The following EYS variants were observed in gnomAD, a reference collection of about 807,000 sequenced individuals.
EYS encodes the protein EGF-like photoreceptor maintenance factor, also known as protein eyes shut homolog.
Under a neutral mutation model 282.1 loss-of-function variants are expected in EYS, and 250 were observed. The ratio of observed to expected loss-of-function variants is 0.89; its 90% CI spans 0.80 to 0.98. The LOEUF (loss-of-function observed/expected upper bound fraction) is 0.98. Among genes scored for constraint, EYS ranks in the 50% least tolerant of loss-of-function variants. The pLI is 0.00. For synonymous variants in EYS, 1,355 were observed against 1,282.9 expected (o/e 1.06, Z -1.20); for missense variants, 4,016 against 3,709.0 (o/e 1.08, Z -2.15).
At chr6:65,703,926 C>T (rs1291550492) in intron 1 of EYS, among the ~76,000 whole-genome samples, 1 of 152,116 alleles carries the variant, frequency 6.6e-6, no homozygotes, top group Non-Finnish European at 1.5e-5. Flanking sequence ...TCAGATCTGG[C>T]TGTAATCTGT....
At chr6:65,330,088 A>G in intron 11 of EYS, 1 of 982,576 alleles carries the variant, frequency 1.0e-6, no homozygotes. Flanking sequence ...AAGTGAAAAA[A>G]ATAATTACTT....
chr6:64,470,326 G>A (rs954430844), intron 26 of EYS, among the ~76,000 whole-genome samples: 6 of 151,916 alleles, frequency 3.9e-5, no homozygotes. Flanking sequence ...GAAATTGTGA[G>A]GTAACACAGA....
At chr6:64,420,350 G>A (rs1395283327) in intron 28 of EYS, among the ~76,000 whole-genome samples, 2 of 152,134 alleles carry the variant, frequency 1.3e-5, no homozygotes, top group Non-Finnish European at 2.9e-5. Context: ...AGCCTGTGTT[G>A]GGAGGACCTG....
At chr6:63,733,382 C>T (rs1437496619) in intron 41 of EYS, among the ~76,000 whole-genome samples, 1 of 152,142 alleles carries the variant, frequency 6.6e-6, no homozygotes, top group Non-Finnish European at 1.5e-5. Context: ...TTGATCCCAT[C>T]ACCCAAGTAG....
intron 22 of EYS, among the ~76,000 whole-genome samples, chr6:64,720,274 CCTT>C (rs1347507536): frequency 1.3e-5 from 2 of 152,258 alleles, no homozygotes; most frequent in Admixed American, 1.3e-4. Context: ...CATCACATCT[CCTT>C]CTCTCACCTT....
chr6:63,948,793 T>C (rs1765476959), intron 35 of EYS, among the ~76,000 whole-genome samples: 2 of 152,296 alleles, frequency 1.3e-5, no homozygotes, highest in East Asian at 3.9e-4. Flanking sequence ...AAAGAGGCAA[T>C]GGGCATTCTG....
At chr6:65,540,489 G>A (rs992981888) in intron 2 of EYS, among the ~76,000 whole-genome samples, 6 of 152,302 alleles carry the variant, frequency 3.9e-5, no homozygotes, top group Admixed American at 1.3e-4. Context: ...ATGAGGTAAT[G>A]TTAGAAGGGA....
At chr6:64,792,830 T>C (rs959256349) in intron 22 of EYS, among the ~76,000 whole-genome samples, 5 of 108,834 alleles carry the variant, frequency 4.6e-5, no homozygotes, top group African/African-American at 1.4e-4. Context: ...AAAGTCATAA[T>C]TGTTTTAATT....
rs540990289 is a variant in EYS at position 64,341,844 on chromosome 6, A to C, written c.6079-34762T>G. On this transcript the variant is annotated intron_variant, in intron 29 of 42. Coordinates refer to ENST00000503581, the MANE Select transcript of EYS (RefSeq NM_001142800.2). The stretch of plus-strand genomic sequence containing the variant: ...CTTTCCATAGAACTCAATCTGCAAC[A>C]GAATGGTCACCATGATACACTCATA... 3.0e-4 allele frequency among the ~76,000 whole-genome samples: 45 copies of C among 151,756 alleles called. No homozygotes were observed. The South Asian group carries it at 4.6e-3, about 15-fold the overall frequency.
At chr6:64,524,003 C>T (rs1777841375) in intron 26 of EYS, among the ~76,000 whole-genome samples, 1 of 151,526 alleles carries the variant, frequency 6.6e-6, no homozygotes, top group South Asian at 2.1e-4. Context: ...TATGGTTTTA[C>T]ATTTTGTATT....
intron 5 of EYS, among the ~76,000 whole-genome samples, chr6:65,437,529 T>C (rs1045414751): frequency 6.6e-6 from 1 of 152,154 alleles, no homozygotes; most frequent in Non-Finnish European, 1.5e-5. Context: ...TTAGATTGGT[T>C]ACCATATGAT....
chr6:65,382,590 G>A (rs1257321209), intron 8 of EYS, among the ~76,000 whole-genome samples: 2 of 151,456 alleles, frequency 1.3e-5, no homozygotes, highest in African/African-American at 4.9e-5. Context: ...GAAAAGGGGA[G>A]TTTATTAAGG....
At chr6:64,754,991 G>A (rs1772887276) in intron 22 of EYS, among the ~76,000 whole-genome samples, 1 of 152,056 alleles carries the variant, frequency 6.6e-6, no homozygotes, top group Admixed American at 6.5e-5. Context: ...CGGAACCGAG[G>A]AAGTCAAATT....
At chr6:65,317,813 CCTTCCTTCCTTCCTTTCTTTCTTTCTTT>C (rs1769338386) in intron 11 of EYS, among the ~76,000 whole-genome samples, 2 of 48,458 alleles carry the variant, frequency 4.1e-5, no homozygotes, top group South Asian at 1.6e-3. Context: ...TTCCTTCCTT[CCTTCCTTCCTTCCTTTCTTTCTTTCTTT>C]CTTTCTTTCT....
intron 12 of EYS, among the ~76,000 whole-genome samples, chr6:65,167,919 G>A (rs571919462): frequency 1.3e-5 from 2 of 151,202 alleles, no homozygotes; most frequent in South Asian, 2.1e-4. Flanking sequence ...TATTTTGTTT[G>A]TGATTTGTTT....
intron 12 of EYS, among the ~76,000 whole-genome samples, chr6:65,128,613 C>T (rs1459094971): frequency 6.6e-6 from 1 of 151,892 alleles, no homozygotes; most frequent in Non-Finnish European, 1.5e-5. Context: ...ATACAGCTAA[C>T]CAAGGAAGAG....
intron 2 of EYS, among the ~76,000 whole-genome samples, chr6:65,567,151 G>T (rs1256973920): frequency 6.6e-6 from 1 of 151,776 alleles, no homozygotes; most frequent in African/African-American, 2.4e-5. Context: ...TCCACCTTCT[G>T]CCATGAGAAA....
intron 5 of EYS, among the ~76,000 whole-genome samples, chr6:65,455,393 T>A (rs1764563596): frequency 6.6e-6 from 1 of 152,158 alleles, no homozygotes; most frequent in African/African-American, 2.4e-5. Flanking sequence ...ACAGTTTTTC[T>A]TGATAGAATC....
At chr6:65,457,783 T>C (rs1482356234) in intron 5 of EYS, among the ~76,000 whole-genome samples, 1 of 152,132 alleles carries the variant, frequency 6.6e-6, no homozygotes, top group African/African-American at 2.4e-5. Flanking sequence ...TTAAACATTC[T>C]TATATATGTT....
Sources: gnomAD v4.1 joint callset for allele counts (sites outside exome capture counted in the v4.1 genomes callset) on GRCh38, gnomAD v4.1.1 for gene constraint, MANE v1.5 for transcripts, NCBI Gene and HGNC (gene_info 2026-07-23, HGNC 2026-07-21) for gene names.